The following ATP7B variants were observed in gnomAD, a reference collection of about 807,000 sequenced individuals.
The protein encoded by ATP7B is copper-transporting ATPase 2.
Under a neutral mutation model 118.9 loss-of-function variants are expected in ATP7B, and 113 were observed. The observed-to-expected ratio is 0.95, with a 90% CI of 0.82 to 1.11. The LOEUF (loss-of-function observed/expected upper bound fraction) is 1.11. Ranked by LOEUF, ATP7B falls within the 50% of genes most tolerant of loss-of-function variation. The pLI is 0.00. For synonymous variants in ATP7B, 777 were observed against 727.4 expected (o/e 1.07, Z -1.10); for missense variants, 1,867 against 1,871.4 (o/e 1.00, Z 0.04).
intron 1 of ATP7B, among the ~76,000 whole-genome samples, chr13:51,977,481 G>A (rs985750217): frequency 6.6e-6 from 1 of 152,080 alleles, no homozygotes; most frequent in Non-Finnish European, 1.5e-5. Context: ...CCACTGGAAG[G>A]TCTTCAGGTG....
chr13:51,997,314 C>T (rs1953258701), intron 1 of ATP7B, among the ~76,000 whole-genome samples: 1 of 152,096 alleles, frequency 6.6e-6, no homozygotes, highest in Non-Finnish European at 1.5e-5. Context: ...TTTTCCGCTG[C>T]CTTTTAAAGT....
intron 9 of ATP7B, among the ~76,000 whole-genome samples, chr13:51,955,497 G>C (rs1274584779): frequency 6.6e-6 from 1 of 152,172 alleles, no homozygotes; most frequent in Non-Finnish European, 1.5e-5. Flanking sequence ...TGCGTCCCCA[G>C]CCAAAAAATG....
At chr13:51,953,851 TAAAAAA>T (rs561139788) in intron 9 of ATP7B, among the ~76,000 whole-genome samples, 2 of 94,364 alleles carry the variant, frequency 2.1e-5, no homozygotes, top group Non-Finnish European at 4.2e-5. Context: ...CCATCAATTG[TAAAAAA>T]AAAAAAAAAA....
At chr13:51,949,532 T>C in intron 12 of ATP7B, 130 bp downstream of exon 12, 1 of 1,377,090 alleles carries the variant, frequency 7.3e-7, no homozygotes, top group Non-Finnish European at 1.0e-6. Flanking sequence ...TTGCTGTCAA[T>C]AAGAGAAGCA....
At chr13:51,939,306 A>G in intron 16 of ATP7B, 113 bp from the exon 17 acceptor site, 1 of 1,484,204 alleles carries the variant, frequency 6.7e-7, no homozygotes, top group African/African-American at 1.4e-5. Context: ...ACAAAACATC[A>G]AATTATATAA....
At position 51,939,207 on chromosome 13, in the gene ATP7B, G is replaced by T; in HGVS notation, c.3557-14C>A. The T allele has an allele frequency of 1.2e-6, 2 of 1,611,874 alleles. No individual in the cohort carries two copies. The highest frequency in any genetic ancestry group is 1.7e-4 in the Middle Eastern group (1 of 6,060). ...CACAGAGCACACCTGGAGCGAACCA[G>T]CCAGCATCAGCAGCTACACAAGTTG... On this transcript the variant is annotated splice_polypyrimidine_tract_variant and intron_variant, in intron 16 of 20. Coordinates refer to ENST00000242839, the MANE Select transcript of ATP7B (RefSeq NM_000053.4).
chr13:51,977,828 G>A (rs1289743264), intron 1 of ATP7B, among the ~76,000 whole-genome samples: 1 of 152,114 alleles, frequency 6.6e-6, no homozygotes, highest in Non-Finnish European at 1.5e-5. Context: ...GAATTTTTCA[G>A]TTTCATTGTA....
chr13:51,935,543 A>C, intron 20 of ATP7B, 50 bp downstream of exon 20: 1 of 1,552,524 alleles, frequency 6.4e-7, no homozygotes, highest in Non-Finnish European at 8.8e-7. Context: ...ATGCAGAATG[A>C]CAAGGCCTCC....
chr13:51,935,929 G>A (rs1486268484), intron 19 of ATP7B, among the ~76,000 whole-genome samples: 4 of 152,250 alleles, frequency 2.6e-5, no homozygotes, highest in Non-Finnish European at 5.9e-5. Flanking sequence ...TCGCCCTGAT[G>A]TTCCCAGAAC....
chr13:51,961,156 C>A (rs1454336417), intron 6 of ATP7B, among the ~76,000 whole-genome samples: 5 of 151,740 alleles, frequency 3.3e-5, no homozygotes, highest in African/African-American at 1.2e-4. Context: ...GATCTTATGT[C>A]CCCTGCTTGG....
intron 6 of ATP7B, among the ~76,000 whole-genome samples, chr13:51,961,070 AG>A (rs1958705792): frequency 6.6e-6 from 1 of 152,008 alleles, no homozygotes; most frequent in Non-Finnish European, 1.5e-5. Context: ...TACTGAACCA[AG>A]CCACAGCAGT....
intron 4 of ATP7B, chr13:51,966,878 C>G: frequency 6.2e-7 from 1 of 1,612,702 alleles, no homozygotes; most frequent in Non-Finnish European, 8.5e-7. Flanking sequence ...TGTATCATCA[C>G]TTGTGATGGC....
In ATP7B at chr13:51,961,942, A is replaced by G. The variant is rs779132912; in HGVS notation, c.1870-29T>C. 8 of 1,581,814 alleles carry G rather than the reference A, an allele frequency of 5.1e-6. No homozygotes were observed. In the South Asian group the frequency reaches 8.9e-5, roughly 17 times the overall value. On this transcript the variant is annotated intron_variant, in intron 5 of 20. Coordinates refer to ENST00000242839, the MANE Select transcript of ATP7B (RefSeq NM_000053.4). The stretch of plus-strand genomic sequence containing the variant: ...GTCATTAAAAAGAGAGGGGTGGGGA[A>G]AAAGGAGGAAGGTACTTGGTTAAAA...
chr13:51,973,053 G>C (rs1441824284), intron 2 of ATP7B, among the ~76,000 whole-genome samples: 1 of 151,968 alleles, frequency 6.6e-6, no homozygotes, highest in Admixed American at 6.6e-5. Flanking sequence ...AAGCCTGGTG[G>C]CTCCCTCACC....
intron 6 of ATP7B, among the ~76,000 whole-genome samples, 190 bp downstream of exon 6, chr13:51,961,647 A>G (rs972707405): frequency 6.6e-6 from 1 of 152,224 alleles, no homozygotes; most frequent in Non-Finnish European, 1.5e-5. Flanking sequence ...CAGTGCAGAT[A>G]CAGAACACTG....
Position 51,970,754 on chromosome 13 carries a change from G to T in ATP7B, c.1286-5C>A. The T allele has an allele frequency of 1.2e-6, 2 of 1,613,268 alleles. No individual in the cohort carries two copies. Among genetic ancestry groups the T allele is most frequent in the Non-Finnish European group, 1.7e-6 (2 of 1,179,326 alleles). On this transcript the variant is annotated splice_polypyrimidine_tract_variant and splice_region_variant and intron_variant, in intron 2 of 20. Coordinates refer to ENST00000242839, the MANE Select transcript of ATP7B (RefSeq NM_000053.4). ...GAGGGTTAGTAGAACAGCTTTCTAG[G>T]ATAAAATGTCAGAAAATATTCAAAT...
chr13:52,002,051 G>A (rs532277077), intron 1 of ATP7B, among the ~76,000 whole-genome samples: 1 of 152,214 alleles, frequency 6.6e-6, no homozygotes, highest in South Asian at 2.1e-4. Context: ...GCCTACTTTG[G>A]CCTCCCAAAG....
chr13:51,965,070 G>C (rs190275756), intron 4 of ATP7B, 37 bp from the exon 5 acceptor site: 2 of 1,612,404 alleles, frequency 1.2e-6, no homozygotes, highest in African/African-American at 2.7e-5. Flanking sequence ...ACAGACCCAG[G>C]ATCAAGGAAA....
At position 52,010,573 on chromosome 13, in the gene ATP7B, C is replaced by A. The variant is rs116444896; in HGVS notation, c.51+714G>T. Reference sequence around the variant, plus strand: ...ACAATCTCTAAGATATATCGTTAAACTGAAAAAAGAGAATGCACATACAGT... The same window carrying A: ...ACAATCTCTAAGATATATCGTTAAAATGAAAAAAGAGAATGCACATACAGT... On this transcript the variant is annotated intron_variant, in intron 1 of 20. Coordinates refer to ENST00000242839, the MANE Select transcript of ATP7B (RefSeq NM_000053.4). 3.2e-3 allele frequency among the ~76,000 whole-genome samples: 482 copies of A among 152,038 alleles called. 3 individuals are homozygous for A. The highest frequency in any genetic ancestry group is 0.011 in the African/African-American group (459 of 41,340).
Sources: allele counts gnomAD v4.1 joint callset (sites outside exome capture counted in the v4.1 genomes callset), GRCh38; gene constraint gnomAD v4.1.1; transcripts MANE v1.5; gene names NCBI Gene and HGNC (gene_info 2026-07-23, HGNC 2026-07-21).